Variants in HS2ST1 observed in about 807,000 individuals in gnomAD.
HS2ST1 encodes heparan sulfate 2-O-sulfotransferase 1, also known as 2-O-sulfotransferase.
HS2ST1 carries 18 observed loss-of-function variants against 42.9 expected under a neutral mutation model. The ratio of observed to expected loss-of-function variants is 0.42; its 90% CI spans 0.29 to 0.62. The LOEUF (loss-of-function observed/expected upper bound fraction) is 0.62. Among genes scored for constraint, HS2ST1 ranks in the 20% least tolerant of loss-of-function variants. HS2ST1 has a pLI of 0.21. For missense variants in HS2ST1, 334 were observed against 433.8 expected, an observed-to-expected ratio of 0.77 and a Z score of 2.04; for synonymous variants, 146 against 152.9, an observed-to-expected ratio of 0.95 and a Z score of 0.33.
chr1:87,086,845 T>C (rs908776994), intron 3 of HS2ST1, among the ~76,000 whole-genome samples: 2 of 152,106 alleles, frequency 1.3e-5, no homozygotes, highest in African/African-American at 4.8e-5. Context: ...CTTTCCATTT[T>C]TCCCTTTAAT....
chr1:86,929,342 C>T (rs1660492607), intron 1 of HS2ST1, among the ~76,000 whole-genome samples: 1 of 151,872 alleles, frequency 6.6e-6, no homozygotes, highest in Non-Finnish European at 1.5e-5. Flanking sequence ...GATAAGTCCT[C>T]AGATAAATCA....
intron 1 of HS2ST1, among the ~76,000 whole-genome samples, chr1:87,053,775 A>G (rs1650890557): frequency 6.6e-6 from 1 of 152,214 alleles, no homozygotes; most frequent in South Asian, 2.1e-4. Context: ...AGATTAGTAC[A>G]TGATCTTGCA....
intron 1 of HS2ST1, among the ~76,000 whole-genome samples, chr1:86,936,242 CTTCTT>C (rs1482278435): frequency 3.3e-5 from 5 of 151,728 alleles, no homozygotes; most frequent in African/African-American, 7.3e-5. Context: ...AATTTTTTCT[CTTCTT>C]TTCAAAGGTA....
chr1:87,041,866 C>T (rs1245255872), intron 1 of HS2ST1, among the ~76,000 whole-genome samples: 3 of 152,126 alleles, frequency 2.0e-5, no homozygotes, highest in South Asian at 4.1e-4. Context: ...GTTGTTTTTA[C>T]ATATTGGCTG....
chr1:87,008,951 C>T (rs998420402), intron 1 of HS2ST1, among the ~76,000 whole-genome samples: 7 of 152,060 alleles, frequency 4.6e-5, no homozygotes, highest in Non-Finnish European at 8.8e-5. Context: ...TCAAGTGATC[C>T]GCCTGCCTCA....
chr1:87,021,739 C>T (rs757910752), intron 1 of HS2ST1, among the ~76,000 whole-genome samples: 6 of 152,138 alleles, frequency 3.9e-5, no homozygotes, highest in Non-Finnish European at 5.9e-5. Context: ...TGGTCTCAAA[C>T]TCCTGGCCTC....
chr1:86,999,256 G>A (rs911090584), intron 1 of HS2ST1, among the ~76,000 whole-genome samples: 14 of 151,786 alleles, frequency 9.2e-5, no homozygotes, highest in African/African-American at 2.9e-4. Context: ...TCGGCTCACC[G>A]CGGTCTCTGC....
chr1:87,051,463 G>A (rs1002419732), intron 1 of HS2ST1, among the ~76,000 whole-genome samples: 15 of 152,064 alleles, frequency 9.9e-5, no homozygotes, highest in African/African-American at 3.6e-4. Context: ...GATTTAAAAA[G>A]CTAATATATA....
chr1:87,085,177 C>T (rs1395001712), intron 3 of HS2ST1, among the ~76,000 whole-genome samples: 1 of 152,126 alleles, frequency 6.6e-6, no homozygotes, highest in Non-Finnish European at 1.5e-5. Context: ...TAAGATTCTG[C>T]ATTAACTTCA....
chr1:86,925,859 G>T (rs1487738891), intron 1 of HS2ST1, among the ~76,000 whole-genome samples: 1 of 152,062 alleles, frequency 6.6e-6, no homozygotes, highest in Non-Finnish European at 1.5e-5. Flanking sequence ...TTTCTTGGTT[G>T]CTTTCTATTG....
At chr1:86,967,195 T>G (rs993021187) in intron 1 of HS2ST1, among the ~76,000 whole-genome samples, 1 of 152,158 alleles carries the variant, frequency 6.6e-6, no homozygotes, top group Non-Finnish European at 1.5e-5. Flanking sequence ...CATGCCCGGC[T>G]TATTTAGTCT....
intron 1 of HS2ST1, among the ~76,000 whole-genome samples, chr1:86,953,325 C>T (rs555302025): frequency 3.9e-5 from 6 of 152,294 alleles, no homozygotes; most frequent in Admixed American, 2.6e-4. Context: ...AAGGCAGTTT[C>T]GTTTTCTTAT....
At chr1:87,041,959 A>G (rs1650534661) in intron 1 of HS2ST1, among the ~76,000 whole-genome samples, 1 of 152,158 alleles carries the variant, frequency 6.6e-6, no homozygotes, top group African/African-American at 2.4e-5. Flanking sequence ...AAAATTAAAC[A>G]CAGAACTACC....
intron 1 of HS2ST1, among the ~76,000 whole-genome samples, chr1:87,017,170 TCTGTCA>T (rs1450238566): frequency 6.6e-6 from 1 of 152,102 alleles, no homozygotes; most frequent in African/African-American, 2.4e-5. Context: ...GGAATCTCAC[TCTGTCA>T]CCCAGGCTGT....
chr1:87,058,558 G>T (rs1178604225), intron 1 of HS2ST1, among the ~76,000 whole-genome samples: 1 of 151,434 alleles, frequency 6.6e-6, no homozygotes. Context: ...AGCCCTGTGT[G>T]ACTAAATACA....
At chr1:87,033,840 G>A (rs986635499) in intron 1 of HS2ST1, among the ~76,000 whole-genome samples, 9 of 152,096 alleles carry the variant, frequency 5.9e-5, no homozygotes, top group Non-Finnish European at 7.4e-5. Flanking sequence ...CACCGCCCCC[G>A]GCCTTAAAGT....
In HS2ST1 at chr1:87,092,436, A is replaced by G. The variant is rs1183605026; in HGVS notation, c.450-95A>G. The G allele has an allele frequency of 5.9e-6, 4 of 673,400 alleles. No individual in the cohort carries two copies. The Admixed American group carries it at 9.9e-5, about 17-fold the overall frequency. 41.7% of individuals were successfully genotyped at this position (673,400 alleles called of 1,614,324 possible). On this transcript the variant is annotated intron_variant, in intron 3 of 6. Transcript: ENST00000370550. Reference sequence around the variant, plus strand: ...TTAATTCATGTTCTTTTTTCCTTATAGGACCAGTACTTCAGACTTAAACAT... The same window carrying G: ...TTAATTCATGTTCTTTTTTCCTTATGGGACCAGTACTTCAGACTTAAACAT...
At chr1:87,010,194 A>G (rs571702916) in intron 1 of HS2ST1, among the ~76,000 whole-genome samples, 1 of 152,312 alleles carries the variant, frequency 6.6e-6, no homozygotes, top group South Asian at 2.1e-4. Context: ...GGCAGCTCAT[A>G]TTAGGACTGT....
chr1:87,043,193 T>G (rs1471880511), intron 1 of HS2ST1, among the ~76,000 whole-genome samples: 1 of 152,092 alleles, frequency 6.6e-6, no homozygotes, highest in Non-Finnish European at 1.5e-5. Context: ...TTTGTGATAA[T>G]TTTAAGTACT....
Sources: allele counts gnomAD v4.1 joint callset (sites outside exome capture counted in the v4.1 genomes callset), GRCh38; gene constraint gnomAD v4.1.1; transcripts MANE v1.5; gene names NCBI Gene and HGNC (gene_info 2026-07-23, HGNC 2026-07-21).